Variants in MCM5 observed in about 807,000 individuals in gnomAD.
The protein encoded by MCM5 is DNA replication licensing factor MCM5.
In MCM5, 46 loss-of-function variants were observed where a neutral mutation model predicts 79.9. The observed-to-expected ratio is 0.58, with a 90% CI of 0.45 to 0.74. The LOEUF (loss-of-function observed/expected upper bound fraction) is 0.74. Ranked by LOEUF, MCM5 falls within the 30% of genes least tolerant of loss-of-function variation. The pLI is 0.00. For synonymous variants in MCM5, 404 were observed against 390.5 expected, an observed-to-expected ratio of 1.03 and a Z score of -0.41; for missense variants, 883 against 1,017.0, an observed-to-expected ratio of 0.87 and a Z score of 1.79.
In MCM5 at chr22:35,416,348, G is replaced by A; in HGVS notation, c.1357G>A (p.Asp453Asn). Residue 453 changes from aspartate to asparagine, a missense_variant, in exon 11 of 17, where the codon GAT becomes AAT. Transcript: ENST00000216122. ...TCTCTTCCCCACTTAGATGCGAGAA[G>A]ATGACCGTGTGGCAATCCACGAAGC... ...CIDEFDKMRE[D>N]DRVAIHEAME... The A allele has an allele frequency of 6.2e-7, 1 of 1,613,920 alleles. No homozygotes were observed. Among genetic ancestry groups the A allele is most frequent in the Non-Finnish European group, 8.5e-7 (1 of 1,180,002 alleles).
chr22:35,400,300 CTG>C, intron 1 of MCM5, 92 bp downstream of exon 1: 1 of 921,862 alleles, frequency 1.1e-6, no homozygotes, highest in South Asian at 1.4e-5. Flanking sequence ...TTCTCGGGAA[CTG>C]GGGTTGGAGT....
At chr22:35,412,375 G>C in intron 7 of MCM5, 135 bp from the exon 8 acceptor site, 1 of 603,866 alleles carries the variant, frequency 1.7e-6, no homozygotes, top group Non-Finnish European at 2.6e-6. Context: ...TGTTTACTCA[G>C]ATAGGTTGTG....
chr22:35,403,905 C>T (rs916620555), intron 4 of MCM5, among the ~76,000 whole-genome samples: 14 of 150,212 alleles, frequency 9.3e-5, no homozygotes, highest in Admixed American at 1.3e-4. Context: ...TGCTTGATAC[C>T]GGGAGTTTGA....
chr22:35,416,434 TG>T lies in MCM5; in HGVS notation c.1413+31del, dbSNP rs1391740459. The T allele has an allele frequency of 1.9e-6, 3 of 1,608,248 alleles. No homozygotes were observed. The East Asian group carries it at 6.7e-5, about 36-fold the overall frequency. On this transcript the variant is annotated intron_variant, in intron 11 of 16. Transcript: ENST00000216122. ...GTGGCCCTCCATGGAGAGCCCAGCC[TG>T]CAGCAGCCCAGCGTGGCCCAACCGT... is the stretch of plus-strand genomic sequence containing the variant.
At chr22:35,450,438 C>T in the MCM5 span, among the ~76,000 whole-genome samples, 1 of 152,114 alleles carries the variant, frequency 6.6e-6, no homozygotes, top group Non-Finnish European at 1.5e-5. Flanking sequence ...CCCTTTCCCT[C>T]TCCCCTCCTG....
the MCM5 span, among the ~76,000 whole-genome samples, chr22:35,450,285 C>T: frequency 1.9e-4 from 29 of 151,594 alleles, no homozygotes; most frequent in African/African-American, 6.8e-4. Flanking sequence ...TTCCACTTCT[C>T]TGATCTTGAG....
the MCM5 span, among the ~76,000 whole-genome samples, chr22:35,453,819 T>TATATATATATATAGAGAGAGAGAG: frequency 1.3e-4 from 11 of 81,538 alleles, no homozygotes; most frequent in Admixed American, 9.3e-4. Context: ...TATATATATA[T>TATATATATATATAGAGAGAGAGAG]AGAGAGAGAG....
chr22:35,413,774 A>G lies in MCM5; in HGVS notation c.1092-101A>G, dbSNP rs149200982. The G allele has an allele frequency of 1.1e-3, 816 of 730,832 alleles. 11 individuals are homozygous for G. In the African/African-American group the frequency reaches 0.012, roughly 11 times the overall value. 45.3% of individuals were successfully genotyped at this position (730,832 alleles called of 1,614,324 possible). A position where few individuals can be genotyped will look rare whatever the true frequency, so the allele number is the denominator to read the frequency against. ...TCTTACCAACTCTGAGGCCCATGAT[A>G]GTTGGGGGAGTCAACTGCCAGCCCA... On this transcript the variant is annotated intron_variant, in intron 8 of 16. Coordinates refer to ENST00000216122, the MANE Select transcript of MCM5 (RefSeq NM_006739.4).
the MCM5 span, among the ~76,000 whole-genome samples, chr22:35,443,510 A>C: frequency 6.6e-6 from 1 of 152,180 alleles, no homozygotes; most frequent in Admixed American, 6.5e-5. Flanking sequence ...AATTTGTGCA[A>C]GGGTTTCCTC....
the MCM5 span, among the ~76,000 whole-genome samples, chr22:35,433,255 A>T: frequency 6.6e-6 from 1 of 152,162 alleles, no homozygotes; most frequent in East Asian, 1.9e-4. Context: ...CCTTTGCATG[A>T]TAGAACTTCA....
chr22:35,413,279 C>T lies in MCM5; in HGVS notation c.1092-596C>T, dbSNP rs971379922. Among the ~76,000 whole-genome samples, 4 of 152,100 alleles carry T rather than the reference C, an allele frequency of 2.6e-5. No individual in the cohort carries two copies. In the East Asian group the frequency reaches 7.7e-4, roughly 29 times the overall value. On this transcript the variant is annotated intron_variant, in intron 8 of 16. Coordinates refer to ENST00000216122, the MANE Select transcript of MCM5 (RefSeq NM_006739.4). Reference sequence around the variant, plus strand: ...CAGGATGGTCTCGATCTCCTGACCTCGTGATCCGCCCGCCTCGGCCTCCCA... The same window carrying T: ...CAGGATGGTCTCGATCTCCTGACCTTGTGATCCGCCCGCCTCGGCCTCCCA...
At chr22:35,436,009 A>C in the MCM5 span, among the ~76,000 whole-genome samples, 1 of 151,860 alleles carries the variant, frequency 6.6e-6, no homozygotes, top group African/African-American at 2.4e-5. Context: ...TCTACTAACA[A>C]TACAAAAATT....
the MCM5 span, among the ~76,000 whole-genome samples, chr22:35,446,426 C>G: frequency 1.3e-5 from 2 of 152,184 alleles, no homozygotes; most frequent in Admixed American, 1.3e-4. Flanking sequence ...GTCTCTCACA[C>G]CAGCCATATG....
At chr22:35,417,563 C>T (rs933352142) in intron 12 of MCM5, among the ~76,000 whole-genome samples, 181 bp from the exon 13 acceptor site, 4 of 152,204 alleles carry the variant, frequency 2.6e-5, no homozygotes, top group Non-Finnish European at 5.9e-5. Context: ...AATCCAGATG[C>T]TCCCATCAGA....
the MCM5 span, among the ~76,000 whole-genome samples, chr22:35,448,305 C>T: frequency 0.026 from 3,910 of 152,134 alleles, 67 homozygotes; most frequent in Non-Finnish European, 0.042. Context: ...GCTATGTCTT[C>T]GTCTCTGCTC....
intron 2 of MCM5, among the ~76,000 whole-genome samples, chr22:35,402,921 TTTG>T (rs1569063072): frequency 6.6e-6 from 1 of 152,126 alleles, no homozygotes; most frequent in Non-Finnish European, 1.5e-5. Context: ...ACAGAACTGG[TTTG>T]TTGTTTTGTG....
chr22:35,425,258 T>C lies in MCM5; in HGVS notation c.*1003T>C. Reference sequence around the variant, plus strand: ...TAAAATTAAATAGAAATCAGTGAAATAAAATATTTGATATTTAAAATACAT... The same window carrying C: ...TAAAATTAAATAGAAATCAGTGAAACAAAATATTTGATATTTAAAATACAT... On this transcript the variant is annotated 3_prime_UTR_variant, in exon 17 of 17. Coordinates refer to ENST00000216122, the MANE Select transcript of MCM5 (RefSeq NM_006739.4). 1 of 152,268 alleles carries C rather than the reference T, an allele frequency of 6.6e-6. No individual in the cohort carries two copies. 9.4% of individuals were successfully genotyped at this position (152,268 alleles called of 1,614,324 possible).
chr22:35,447,236 G>A, the MCM5 span, among the ~76,000 whole-genome samples: 2 of 152,102 alleles, frequency 1.3e-5, no homozygotes, highest in African/African-American at 4.8e-5. Flanking sequence ...GCAAAGGGTG[G>A]AACAGATGGG....
intron 14 of MCM5, 34 bp from the exon 15 acceptor site, chr22:35,421,284 C>G (rs770444661): frequency 6.3e-7 from 1 of 1,598,074 alleles, no homozygotes; most frequent in Non-Finnish European, 8.5e-7. Flanking sequence ...AATAGCGGAC[C>G]GAGGCTACCC....
Sources: allele counts gnomAD v4.1 joint callset (sites outside exome capture counted in the v4.1 genomes callset), GRCh38; gene constraint gnomAD v4.1.1; transcripts MANE v1.5; gene names NCBI Gene and HGNC (gene_info 2026-07-23, HGNC 2026-07-21).